The following ZBTB25 variants were observed in gnomAD, a reference collection of about 807,000 sequenced individuals.
The protein encoded by ZBTB25 is zinc finger and BTB domain-containing protein 25.
Under a neutral mutation model 34.2 loss-of-function variants are expected in ZBTB25, and 20 were observed. The ratio of observed to expected loss-of-function variants is 0.58; its 90% CI spans 0.41 to 0.85. The LOEUF is 0.85. Among genes scored for constraint, ZBTB25 ranks in the 40% least tolerant of loss-of-function variants. The pLI, the probability that ZBTB25 is intolerant of heterozygous loss-of-function variation, is 0.00. For synonymous variants in ZBTB25, 175 were observed against 186.4 expected (o/e 0.94, Z 0.50); for missense variants, 437 against 521.8 (o/e 0.84, Z 1.58).
At chr14:64,489,814 G>A (rs1404766559) in intron 2 of ZBTB25, among the ~76,000 whole-genome samples, 5 of 151,724 alleles carry the variant, frequency 3.3e-5, no homozygotes, top group Admixed American at 2.0e-4. Flanking sequence ...GATTACAGGC[G>A]TGAGCCATGG....
Position 64,487,820 on chromosome 14 carries a change from T to G in ZBTB25, c.411A>C (p.Gln137His). Residue 137 changes from glutamine to histidine, a missense_variant, in exon 3 of 3, where the codon CAA (glutamine) becomes CAC (histidine). Gln to His is a conservative substitution (Grantham distance 24). Transcript: ENST00000608382. ...CCAGTCCTTGTTTGACAACTGTTTT[T>G]TGGGTTGTTGAGATCTGAATGCCAT... is the stretch of plus-strand genomic sequence containing the variant. ...NLYGIQISTT[Q>H]KTVVKQGLEV... 1 of 1,614,162 alleles carries G rather than the reference T, an allele frequency of 6.2e-7. No individual in the cohort carries two copies. The highest frequency in any genetic ancestry group is 1.7e-5 in the Admixed American group (1 of 60,016).
intron 2 of ZBTB25, among the ~76,000 whole-genome samples, chr14:64,489,226 C>T (rs1009684263): frequency 2.0e-5 from 3 of 151,808 alleles, no homozygotes; most frequent in African/African-American, 7.3e-5. Flanking sequence ...TCAGCCTGGG[C>T]ACCACTGCAC....
At chr14:64,459,632 T>C in intron 2 of ZBTB25, 1 of 746,308 alleles carries the variant, frequency 1.3e-6, no homozygotes, top group Non-Finnish European at 2.1e-6. Flanking sequence ...GAAGAGCTGG[T>C]GGCAGGAAAG....
chr14:64,450,259 G>A (rs2078349276), intron 2 of ZBTB25, among the ~76,000 whole-genome samples: 1 of 152,216 alleles, frequency 6.6e-6, no homozygotes, highest in African/African-American at 2.4e-5. Context: ...ATTCACTGTA[G>A]CCTTTAAAAC....
rs1322616432 is a variant in ZBTB25 at position 64,466,251 on chromosome 14, A to C, written c.174-16613T>G. ...TGCTGGTTAAGAGCGAATCATTTGC[A>C]GTCTGACATTCTGCAAAGTTTTATT... On this transcript the variant is annotated intron_variant, in intron 2 of 2. Transcript: ENST00000555220. Among the ~76,000 whole-genome samples, 5 of 152,374 alleles carry C rather than the reference A, an allele frequency of 3.3e-5. No homozygotes were observed. In the South Asian group the frequency reaches 8.3e-4, roughly 25 times the overall value.
intron 1 of ZBTB25, 29 bp from the exon 2 acceptor site, chr14:64,490,569 T>G (rs764856084): frequency 6.3e-7 from 1 of 1,578,954 alleles, no homozygotes. Context: ...TAAATGTAGA[T>G]AGGTGTGTAT....
intron 2 of ZBTB25, among the ~76,000 whole-genome samples, chr14:64,488,456 T>C (rs2078959632): frequency 6.6e-6 from 1 of 152,122 alleles, no homozygotes; most frequent in Admixed American, 6.6e-5. Flanking sequence ...CTCAAACAGA[T>C]ACCTGTATGC....
chr14:64,476,910 G>C (rs989582912), downstream of ZBTB25, among the ~76,000 whole-genome samples: 3 of 151,996 alleles, frequency 2.0e-5, no homozygotes, highest in African/African-American at 7.3e-5. Flanking sequence ...TAATCACTAG[G>C]GTTCATCAAA....
chr14:64,463,237 C>A (rs74058128), intron 2 of ZBTB25: 1 of 137,958 alleles, frequency 7.2e-6, no homozygotes, highest in African/African-American at 3.6e-5. Flanking sequence ...AACACACACA[C>A]ACACACACAC....
chr14:64,479,878 C>T lies in ZBTB25; in HGVS notation c.*7045G>A, dbSNP rs1053081212. On this transcript the variant is annotated 3_prime_UTR_variant, in exon 3 of 3. Transcript: ENST00000608382. Reference sequence around the variant, plus strand: ...GCCTCCATAATTACATGAACCTATTCCTTATAATCAATCAATCTCTTTCTC... The same window carrying T: ...GCCTCCATAATTACATGAACCTATTTCTTATAATCAATCAATCTCTTTCTC... The T allele has an allele frequency of 6.6e-6, 1 of 152,640 alleles. No individual in the cohort carries two copies. Among genetic ancestry groups the T allele is most frequent in the Non-Finnish European group, 1.5e-5 (1 of 68,384 alleles). The allele number at this position is 152,640 out of a possible 1,614,324, so 9.5% of individuals were successfully genotyped here.
At chr14:64,454,804 G>A (rs773261399) in intron 2 of ZBTB25, 4 of 1,614,186 alleles carry the variant, frequency 2.5e-6, no homozygotes, top group Admixed American at 3.3e-5. Flanking sequence ...TGTCCCTACA[G>A]GCTTCATTCT....
chr14:64,473,363 C>G, downstream of ZBTB25: 2 of 167,166 alleles, frequency 1.2e-5, no homozygotes. Flanking sequence ...TATTTGACAG[C>G]ATGAAGTTTG....
At chr14:64,471,385 C>A (rs1167924797) in intron 2 of ZBTB25, 1 of 166,610 alleles carries the variant, frequency 6.0e-6, no homozygotes, top group Non-Finnish European at 1.5e-5. Flanking sequence ...ATCTCCTGAC[C>A]TCATGATCCT....
At chr14:64,489,351 A>C (rs75328466) in intron 2 of ZBTB25, among the ~76,000 whole-genome samples, 6,742 of 152,250 alleles carry the variant, frequency 0.044, 477 homozygotes, top group African/African-American at 0.15. Flanking sequence ...AAAAGCATAG[A>C]CATAGCTTCA....
chr14:64,498,060 G>A (rs2079338950), intron 1 of ZBTB25, among the ~76,000 whole-genome samples: 1 of 152,116 alleles, frequency 6.6e-6, no homozygotes, highest in African/African-American at 2.4e-5. Flanking sequence ...AATATTTCAA[G>A]TGCCATATGA....
intron 2 of ZBTB25, chr14:64,468,643 A>G: frequency 6.2e-7 from 1 of 1,613,946 alleles, no homozygotes; most frequent in Middle Eastern, 1.6e-4. Context: ...CCTCACTCAA[A>G]CGTCTTGTAA....
At chr14:64,493,315 G>A (rs778553431) in intron 1 of ZBTB25, among the ~76,000 whole-genome samples, 1 of 152,158 alleles carries the variant, frequency 6.6e-6, no homozygotes, top group African/African-American at 2.4e-5. Context: ...TACTAGCTGC[G>A]TGGTCTTGGC....
chr14:64,469,807 C>T (rs780733430), intron 2 of ZBTB25: 48 of 669,280 alleles, frequency 7.2e-5, no homozygotes, highest in Non-Finnish European at 1.1e-4. Flanking sequence ...ACAATTCCAG[C>T]GCAGAAGTGC....
chr14:64,449,923 G>A (rs761051514), intron 2 of ZBTB25, among the ~76,000 whole-genome samples: 7 of 152,256 alleles, frequency 4.6e-5, no homozygotes, highest in South Asian at 4.2e-4. Context: ...CAAGTAGCTG[G>A]GATTACAGGC....
Sources: gnomAD v4.1 joint callset for allele counts (sites outside exome capture counted in the v4.1 genomes callset) on GRCh38, gnomAD v4.1.1 for gene constraint, MANE v1.5 for transcripts, NCBI Gene and HGNC (gene_info 2026-07-23, HGNC 2026-07-21) for gene names.